The following RNGTT variants were observed in gnomAD, a reference collection of about 807,000 sequenced individuals.
RNGTT encodes RNA guanylyltransferase and 5'-phosphatase.
In RNGTT, 33 loss-of-function variants were observed where a neutral mutation model predicts 79.3. That is an observed-to-expected ratio of 0.42 (90% CI 0.32 to 0.56). The LOEUF is 0.56. RNGTT is among the 20% of genes least tolerant of loss of function. The pLI, the probability that RNGTT is intolerant of heterozygous loss-of-function variation, is 0.17. For synonymous variants in RNGTT, 222 were observed against 235.9 expected (o/e 0.94, Z 0.54); for missense variants, 497 against 739.1 (o/e 0.67, Z 3.80).
At chr6:88,733,878 G>A (rs1316112471) in intron 13 of RNGTT, among the ~76,000 whole-genome samples, 1 of 149,272 alleles carries the variant, frequency 6.7e-6, no homozygotes, top group Non-Finnish European at 1.5e-5. Context: ...CCTTCAAAAG[G>A]ACAAAAATTT....
chr6:88,714,975 C>T (rs1339596084), intron 13 of RNGTT, among the ~76,000 whole-genome samples: 1 of 152,042 alleles, frequency 6.6e-6, no homozygotes, highest in East Asian at 1.9e-4. Context: ...GGCAATTAGC[C>T]AGGAGAAGGA....
intron 12 of RNGTT, among the ~76,000 whole-genome samples, chr6:88,787,882 A>G (rs932937844): frequency 6.6e-6 from 1 of 152,222 alleles, no homozygotes; most frequent in African/African-American, 2.4e-5. Flanking sequence ...AGTGCCAAAG[A>G]TGACAGCTAG....
chr6:88,782,748 T>C (rs9344864), intron 12 of RNGTT, among the ~76,000 whole-genome samples: 20,891 of 152,024 alleles, frequency 0.14, 1,565 homozygotes, highest in Middle Eastern at 0.24. Context: ...AATAGACACT[T>C]CTCAAAATAA....
Position 88,716,753 on chromosome 6 carries a change from T to A in RNGTT, c.1440-38334A>T, listed in dbSNP as rs568365032. On this transcript the variant is annotated intron_variant, in intron 13 of 15. Coordinates refer to ENST00000369485, the MANE Select transcript of RNGTT (RefSeq NM_003800.5). ...AACACTGCATGTTCTCACTCATAGATGGGAACTGAACAATGAGAACACATG... is the reference window on the plus strand; with the variant it reads ...AACACTGCATGTTCTCACTCATAGAAGGGAACTGAACAATGAGAACACATG... 4.6e-5 allele frequency among the ~76,000 whole-genome samples: 7 copies of A among 152,060 alleles called. No homozygotes were observed. The East Asian group carries it at 1.4e-3, about 29-fold the overall frequency.
chr6:88,628,955 A>G (rs890355134), intron 14 of RNGTT, among the ~76,000 whole-genome samples: 3 of 152,174 alleles, frequency 2.0e-5, no homozygotes, highest in African/African-American at 7.2e-5. Flanking sequence ...GGTCATGCTG[A>G]GTTTAATGTA....
At chr6:88,956,100 C>A (rs950744319) in intron 1 of RNGTT, among the ~76,000 whole-genome samples, 2 of 144,170 alleles carry the variant, frequency 1.4e-5, no homozygotes, top group Admixed American at 6.9e-5. Context: ...AATTGATAGA[C>A]CATTAGCAAG....
chr6:88,928,490 C>T (rs774110554), intron 4 of RNGTT, among the ~76,000 whole-genome samples: 14 of 152,032 alleles, frequency 9.2e-5, no homozygotes, highest in South Asian at 2.1e-4. Flanking sequence ...ATGTGTTCCA[C>T]GAGCTGGTGC....
chr6:88,644,190 A>C (rs571277067), intron 14 of RNGTT, among the ~76,000 whole-genome samples: 1 of 152,364 alleles, frequency 6.6e-6, no homozygotes, highest in East Asian at 1.9e-4. Flanking sequence ...ATCCCACAGA[A>C]ATACAAACTA....
chr6:88,675,415 G>A (rs1414275953), intron 14 of RNGTT, among the ~76,000 whole-genome samples: 2 of 152,210 alleles, frequency 1.3e-5, no homozygotes, highest in African/African-American at 4.8e-5. Flanking sequence ...AAGCAGGCCA[G>A]GGGTGGTGGC....
At chr6:88,641,832 T>C (rs2127773498) in intron 14 of RNGTT, among the ~76,000 whole-genome samples, 1 of 152,362 alleles carries the variant, frequency 6.6e-6, no homozygotes, top group South Asian at 2.1e-4. Flanking sequence ...CTTTTTGTCA[T>C]CTTGGCTGTA....
At chr6:88,879,790 G>A (rs1782637729) in intron 8 of RNGTT, among the ~76,000 whole-genome samples, 1 of 152,032 alleles carries the variant, frequency 6.6e-6, no homozygotes, top group Non-Finnish European at 1.5e-5. Flanking sequence ...TTCTTACAAA[G>A]AAAGAACATT....
intron 11 of RNGTT, among the ~76,000 whole-genome samples, chr6:88,809,785 A>C (rs561472142): frequency 1.4e-4 from 21 of 152,020 alleles, no homozygotes; most frequent in Non-Finnish European, 2.5e-4. Flanking sequence ...ACAATGGCTC[A>C]TACCTGTAAT....
Position 88,827,209 on chromosome 6 carries a change from T to C in RNGTT, c.1269+17148A>G, listed in dbSNP as rs537376427. On this transcript the variant is annotated intron_variant, in intron 11 of 15. Coordinates refer to ENST00000369485, the MANE Select transcript of RNGTT (RefSeq NM_003800.5). ...AGTACCTGGCTCATCTCGTTGGGAT[T>C]GGTTAGACAGTGGGTGCAGCCCATA... is the stretch of plus-strand genomic sequence containing the variant. Among the ~76,000 whole-genome samples the C allele has an allele frequency of 7.2e-5, 11 of 152,138 alleles. No individual in the cohort carries two copies. The East Asian group carries it at 1.6e-3, about 21-fold the overall frequency.
intron 8 of RNGTT, 48 bp downstream of exon 8, chr6:88,890,447 T>C: frequency 8.6e-7 from 1 of 1,164,312 alleles, no homozygotes; most frequent in Non-Finnish European, 1.3e-6. Context: ...AACAATATTC[T>C]TCAAGCATTA....
At chr6:88,809,179 C>T (rs1780055525) in intron 11 of RNGTT, among the ~76,000 whole-genome samples, 1 of 152,054 alleles carries the variant, frequency 6.6e-6, no homozygotes, top group Non-Finnish European at 1.5e-5. Flanking sequence ...GGGGTCAATT[C>T]ATCAGGAGTC....
At chr6:88,798,220 T>C in intron 12 of RNGTT, among the ~76,000 whole-genome samples, 1 of 152,132 alleles carries the variant, frequency 6.6e-6, no homozygotes, top group East Asian at 1.9e-4. Flanking sequence ...ATCCCAGCAC[T>C]TTGCGAGGCT....
At chr6:88,951,627 A>AACAC (rs957418840) in intron 1 of RNGTT, among the ~76,000 whole-genome samples, 9 of 152,232 alleles carry the variant, frequency 5.9e-5, no homozygotes, top group African/African-American at 1.9e-4. Flanking sequence ...CCTGCCTCTG[A>AACAC]ACACACATTC....
intron 13 of RNGTT, among the ~76,000 whole-genome samples, chr6:88,724,670 G>A (rs1776825750): frequency 6.6e-6 from 1 of 152,184 alleles, no homozygotes; most frequent in Non-Finnish European, 1.5e-5. Flanking sequence ...CTGCTCTTTT[G>A]AGAATTGTCA....
At chr6:88,847,359 GAAAA>G in intron 10 of RNGTT, among the ~76,000 whole-genome samples, 1 of 148,970 alleles carries the variant, frequency 6.7e-6, no homozygotes, top group Non-Finnish European at 1.5e-5. Flanking sequence ...GTCAGAGGGT[GAAAA>G]AAAAAGATGA....
Sources: allele counts gnomAD v4.1 joint callset (sites outside exome capture counted in the v4.1 genomes callset), GRCh38; gene constraint gnomAD v4.1.1; transcripts MANE v1.5; gene names NCBI Gene and HGNC (gene_info 2026-07-23, HGNC 2026-07-21).